Variants in PCDH17 observed in about 807,000 individuals in gnomAD.
PCDH17 encodes protocadherin-17.
Under a neutral mutation model 67.7 loss-of-function variants are expected in PCDH17, and 21 were observed. The observed-to-expected ratio is 0.31, with a 90% CI of 0.22 to 0.45. The LOEUF (loss-of-function observed/expected upper bound fraction) is 0.45, where lower values mean the gene tolerates loss of function less well. Among genes scored for constraint, PCDH17 ranks in the 20% least tolerant of loss-of-function variants. The pLI is 1.00. For missense variants in PCDH17, 1,471 were observed against 1,564.8 expected, an observed-to-expected ratio of 0.94 and a Z score of 1.01; for synonymous variants, 701 against 656.7, an observed-to-expected ratio of 1.07 and a Z score of -1.03.
intron 1 of PCDH17, among the ~76,000 whole-genome samples, chr13:57,650,218 TTGTGTGTGTGTGTG>T (rs67398023): frequency 1.5e-5 from 2 of 137,480 alleles, no homozygotes; most frequent in East Asian, 2.2e-4. Flanking sequence ...GGACCCTTGA[TTGTGTGTGTGTGTG>T]TGTGTGTGTG....
rs1337250495 is a variant in PCDH17 at position 57,726,966 on chromosome 13, C to T, written c.*1672C>T. 1 of 152,612 alleles carries T rather than the reference C, an allele frequency of 6.6e-6. No individual in the cohort carries two copies. The highest frequency in any genetic ancestry group is 6.5e-5 in the Admixed American group (1 of 15,270). 9.5% of individuals were successfully genotyped at this position (152,612 alleles called of 1,614,324 possible). ...CCTTTATCTCAGTGCTCTTCTGCCT[C>T]TTTTTGTTGGTGTCCTTTGAGAACA... is the stretch of plus-strand genomic sequence containing the variant. On this transcript the variant is annotated 3_prime_UTR_variant, in exon 4 of 4. Coordinates refer to ENST00000377918, the MANE Select transcript of PCDH17 (RefSeq NM_001040429.3).
At position 57,633,587 on chromosome 13, in the gene PCDH17, T is replaced by C. The variant is rs2137969220; in HGVS notation, c.1041T>C (p.Asn347=). Residue 347 remains asparagine (N), a synonymous_variant, in exon 1 of 4, where the codon AAT becomes AAC. Coordinates refer to ENST00000377918, the MANE Select transcript of PCDH17 (RefSeq NM_001040429.3). This position sits in a 1 kb window ranked among gnomAD's most constrained non-coding sequence, Gnocchi z 6.2. Reference sequence around the variant, plus strand: ...TCAAGCTCATCGACCGCAACGACAATGCGCCGTCCATCGGTTTCGTCTCCG... The same window carrying C: ...TCAAGCTCATCGACCGCAACGACAACGCGCCGTCCATCGGTTTCGTCTCCG... ...VTVKLIDRND[N]APSIGFVSVR... 6.2e-7 allele frequency: 1 copy of C among 1,613,102 alleles called. No individual in the cohort carries two copies. Among genetic ancestry groups the C allele is most frequent in the Non-Finnish European group, 8.5e-7 (1 of 1,180,014 alleles).
At chr13:57,717,657 T>C (rs1955831535) in intron 3 of PCDH17, among the ~76,000 whole-genome samples, 1 of 152,036 alleles carries the variant, frequency 6.6e-6, no homozygotes, top group South Asian at 2.1e-4. Context: ...CATTGTGCGA[T>C]GCAGGTGCAT....
At chr13:57,641,413 G>T (rs1220875859) in intron 1 of PCDH17, among the ~76,000 whole-genome samples, 1 of 145,894 alleles carries the variant, frequency 6.9e-6, no homozygotes, top group African/African-American at 2.5e-5. Flanking sequence ...TTAAGGTAAA[G>T]CAAAAAAAAA....
intron 3 of PCDH17, among the ~76,000 whole-genome samples, chr13:57,677,315 A>T (rs1048881267): frequency 3.3e-5 from 5 of 151,888 alleles, no homozygotes; most frequent in Non-Finnish European, 7.4e-5. Context: ...ATGTATTGTT[A>T]TTTAGGTATA....
chr13:57,693,644 G>T (rs931366667), intron 3 of PCDH17, among the ~76,000 whole-genome samples: 8 of 150,418 alleles, frequency 5.3e-5, no homozygotes, highest in African/African-American at 1.9e-4. Context: ...AAAAATGATT[G>T]CATGATTTTA....
intron 3 of PCDH17, among the ~76,000 whole-genome samples, chr13:57,691,125 T>C (rs959039952): frequency 6.6e-6 from 1 of 151,368 alleles, no homozygotes; most frequent in Non-Finnish European, 1.5e-5. Context: ...GTCAAAAGTG[T>C]TTACCAAAAT....
chr13:57,631,045 C>T (rs1377727622), upstream of PCDH17, among the ~76,000 whole-genome samples: 1 of 151,944 alleles, frequency 6.6e-6, no homozygotes, highest in Non-Finnish European at 1.5e-5. Flanking sequence ...CTGAGTCGCC[C>T]AGAAAAACTG....
Position 57,722,145 on chromosome 13 carries a change from C to T in PCDH17, c.2798-2467C>T, listed in dbSNP as rs187045008. ...TAAGTAAAATGCTGCAGATTTTCAG[C>T]AGTGACAAGCAAACAATCATTTTAT... On this transcript the variant is annotated intron_variant, in intron 3 of 3. Coordinates refer to ENST00000377918, the MANE Select transcript of PCDH17 (RefSeq NM_001040429.3). Among the ~76,000 whole-genome samples the T allele has an allele frequency of 4.7e-4, 71 of 152,264 alleles. 2 individuals are homozygous for T. The East Asian group carries it at 0.013, about 29-fold the overall frequency.
intron 3 of PCDH17, among the ~76,000 whole-genome samples, chr13:57,668,876 T>A (rs1268135464): frequency 6.6e-6 from 1 of 152,100 alleles, no homozygotes; most frequent in African/African-American, 2.4e-5. Context: ...AGTTCTAGGG[T>A]ACATGTGCAC....
chr13:57,669,041 C>A (rs532560306), intron 3 of PCDH17, among the ~76,000 whole-genome samples: 5 of 151,868 alleles, frequency 3.3e-5, no homozygotes. Context: ...CTTCCTGTGT[C>A]CCAGTGTTCT....
intron 3 of PCDH17, among the ~76,000 whole-genome samples, chr13:57,714,264 T>C (rs1297490541): frequency 1.3e-5 from 2 of 151,614 alleles, no homozygotes; most frequent in East Asian, 3.9e-4. Context: ...AGAAACAAGA[T>C]GAACAACAGG....
intron 3 of PCDH17, among the ~76,000 whole-genome samples, chr13:57,719,454 AAAG>A (rs1955854880): frequency 6.6e-6 from 1 of 152,022 alleles, no homozygotes; most frequent in African/African-American, 2.4e-5. Flanking sequence ...TCATTATAGA[AAAG>A]AAAATCAGAG....
At chr13:57,720,860 A>T (rs1421090583) in intron 3 of PCDH17, among the ~76,000 whole-genome samples, 1 of 152,072 alleles carries the variant, frequency 6.6e-6, no homozygotes, top group African/African-American at 2.4e-5. Flanking sequence ...GGCACAATTG[A>T]ACTAATTAAG....
chr13:57,696,586 G>A (rs925262373), intron 3 of PCDH17, among the ~76,000 whole-genome samples: 6 of 151,224 alleles, frequency 4.0e-5, no homozygotes, highest in Non-Finnish European at 8.9e-5. Flanking sequence ...ATTCTTCGCA[G>A]CCTGTCTTAT....
intron 3 of PCDH17, among the ~76,000 whole-genome samples, chr13:57,670,992 C>T (rs750716820): frequency 6.6e-5 from 10 of 151,738 alleles, no homozygotes; most frequent in African/African-American, 9.7e-5. Context: ...TTAATAAACC[C>T]GTTAGTAGAA....
At chr13:57,665,387 AAG>A (rs1955239041) in intron 1 of PCDH17, among the ~76,000 whole-genome samples, 1 of 152,092 alleles carries the variant, frequency 6.6e-6, no homozygotes, top group Non-Finnish European at 1.5e-5. Flanking sequence ...AGAAGAAAAA[AAG>A]AATATCTTAT....
intron 1 of PCDH17, among the ~76,000 whole-genome samples, chr13:57,652,044 T>C (rs983464139): frequency 5.3e-5 from 8 of 152,076 alleles, no homozygotes; most frequent in Non-Finnish European, 7.4e-5. Context: ...TTTGGGAGGC[T>C]GAGGCGGGTG....
chr13:57,632,508 C>T lies in PCDH17; in HGVS notation c.-39C>T. 6.3e-7 allele frequency: 1 copy of T among 1,587,010 alleles called. No individual in the cohort carries two copies. Among genetic ancestry groups the T allele is most frequent in the Non-Finnish European group, 8.6e-7 (1 of 1,166,354 alleles). On this transcript the variant is annotated 5_prime_UTR_variant, in exon 1 of 4. Transcript: ENST00000377918. ...GGCGCGCACTCCCTCTCTGGCTCCT[C>T]CAGTCCGATTGCTCCTGCCCCCACC...
Sources: allele counts gnomAD v4.1 joint callset (sites outside exome capture counted in the v4.1 genomes callset), GRCh38; gene constraint gnomAD v4.1.1; non-coding constraint Gnocchi (gnomAD v3.1); transcripts MANE v1.5; gene names NCBI Gene and HGNC (gene_info 2026-07-23, HGNC 2026-07-21).